Variants in COA1 observed in about 807,000 individuals in gnomAD.
The protein encoded by COA1 is cytochrome c oxidase assembly factor 1 homolog.
In COA1, 13 loss-of-function variants were observed where a neutral mutation model predicts 16.0. The ratio of observed to expected loss-of-function variants is 0.81; its 90% CI spans 0.53 to 1.29. The LOEUF (loss-of-function observed/expected upper bound fraction) is 1.29, where lower values mean the gene tolerates loss of function less well. Ranked by LOEUF, COA1 falls within the 50% of genes most tolerant of loss-of-function variation. The pLI is 0.00. For missense variants in COA1, 179 were observed against 177.0 expected (o/e 1.01, Z -0.06); for synonymous variants, 65 against 65.7 (o/e 0.99, Z 0.05).
intron 1 of COA1, among the ~76,000 whole-genome samples, chr7:43,704,484 C>A (rs182931170): frequency 3.0e-4 from 45 of 152,284 alleles, no homozygotes; most frequent in Non-Finnish European, 5.9e-5. Flanking sequence ...TTTACATAAT[C>A]CCATATTTTT....
At chr7:43,720,525 T>A (rs916939453) in intron 1 of COA1, among the ~76,000 whole-genome samples, 2 of 152,200 alleles carry the variant, frequency 1.3e-5, no homozygotes, top group African/African-American at 2.4e-5. Flanking sequence ...TTACATTTTT[T>A]AAAAATGGCT....
At chr7:43,722,137 C>T (rs984660375) in intron 1 of COA1, among the ~76,000 whole-genome samples, 2 of 148,626 alleles carry the variant, frequency 1.3e-5, no homozygotes, top group South Asian at 4.3e-4. Context: ...GTCACTCAGG[C>T]TGGAGTGCAG....
intron 1 of COA1, among the ~76,000 whole-genome samples, chr7:43,711,858 A>C (rs2095259328): frequency 6.6e-6 from 1 of 152,232 alleles, no homozygotes; most frequent in Admixed American, 6.5e-5. Context: ...TATGCAGTTC[A>C]CTGCTGACTG....
At chr7:43,666,805 A>C (rs1209230310) in intron 1 of COA1, among the ~76,000 whole-genome samples, 2 of 152,210 alleles carry the variant, frequency 1.3e-5, no homozygotes, top group Non-Finnish European at 2.9e-5. Context: ...CCAAGTATAT[A>C]ATTAAAACTG....
intron 1 of COA1, chr7:43,649,208 T>C (rs2090243342): frequency 6.6e-6 from 1 of 152,350 alleles, no homozygotes; most frequent in African/African-American, 2.4e-5. Flanking sequence ...GGAACTATTA[T>C]CATCACGCTC....
intron 1 of COA1, among the ~76,000 whole-genome samples, chr7:43,726,952 C>A (rs887972110): frequency 6.6e-6 from 1 of 152,164 alleles, no homozygotes; most frequent in Non-Finnish European, 1.5e-5. Flanking sequence ...CATTAGCCAT[C>A]AGGGAAATAC....
intron 1 of COA1, among the ~76,000 whole-genome samples, chr7:43,662,687 A>G (rs1255876163): frequency 6.6e-6 from 1 of 152,250 alleles, no homozygotes; most frequent in Non-Finnish European, 1.5e-5. Flanking sequence ...AAGATATGCC[A>G]TTTATGTTAA....
intron 6 of COA1, among the ~76,000 whole-genome samples, chr7:43,615,072 CA>C (rs1478462505): frequency 6.6e-6 from 1 of 152,150 alleles, no homozygotes; most frequent in Non-Finnish European, 1.5e-5. Flanking sequence ...CTCAAAAGGG[CA>C]AAACATTCAA....
intron 1 of COA1, among the ~76,000 whole-genome samples, chr7:43,703,606 T>C (rs967603318): frequency 6.6e-6 from 1 of 152,174 alleles, no homozygotes; most frequent in African/African-American, 2.4e-5. Flanking sequence ...TTTGTCCTTT[T>C]TTATTATTAT....
rs1426991831 is a variant in COA1 at position 43,640,864 on chromosome 7, T to C, written c.265-215A>G. Reference sequence around the variant, plus strand: ...GGCTGGTAAGGTCAATGGCAGTCTTTCCATTTGGCAAGGAGGACTCCTATG... The same window carrying C: ...GGCTGGTAAGGTCAATGGCAGTCTTCCCATTTGGCAAGGAGGACTCCTATG... On this transcript the variant is annotated intron_variant, in intron 4 of 5. Transcript: ENST00000223336. 14 of 483,422 alleles carry C rather than the reference T, an allele frequency of 2.9e-5. No homozygotes were observed. The East Asian group carries it at 3.5e-4, about 12-fold the overall frequency. 29.9% of individuals were successfully genotyped at this position (483,422 alleles called of 1,614,324 possible).
intron 1 of COA1, among the ~76,000 whole-genome samples, chr7:43,708,809 C>T (rs73110503): frequency 0.11 from 16,936 of 152,110 alleles, 1,067 homozygotes; most frequent in Admixed American, 0.19. Context: ...TTCCCATATC[C>T]TATACATAAT....
chr7:43,693,003 G>A (rs1243905761), intron 1 of COA1, among the ~76,000 whole-genome samples: 4 of 152,126 alleles, frequency 2.6e-5, no homozygotes, highest in Non-Finnish European at 4.4e-5. Flanking sequence ...GAGTCAGAAT[G>A]TCCAGGGGCT....
At chr7:43,652,532 C>T (rs2091013102) in intron 1 of COA1, among the ~76,000 whole-genome samples, 1 of 152,204 alleles carries the variant, frequency 6.6e-6, no homozygotes, top group African/African-American at 2.4e-5. Flanking sequence ...TTACATGCAT[C>T]TGTCTGACTC....
chr7:43,664,130 A>AGAGAGAGAGAGT (rs1307866265), intron 1 of COA1, among the ~76,000 whole-genome samples: 19 of 148,618 alleles, frequency 1.3e-4, no homozygotes, highest in African/African-American at 4.7e-4. Flanking sequence ...AGAGAGAGAG[A>AGAGAGAGAGAGT]GTCTTGCTAT....
chr7:43,691,421 A>AAAAGAAAGAAAGAAAGAAAGAAAG (rs375210311), intron 1 of COA1, among the ~76,000 whole-genome samples: 1 of 87,460 alleles, frequency 1.1e-5, no homozygotes, highest in Non-Finnish European at 2.2e-5. Context: ...GGAAGAAAGA[A>AAAAGAAAGAAAGAAAGAAAGAAAG]AAAGAAAGAA....
chr7:43,669,954 A>C (rs1244682085), intron 1 of COA1, among the ~76,000 whole-genome samples: 2 of 152,120 alleles, frequency 1.3e-5, no homozygotes, highest in Non-Finnish European at 1.5e-5. Flanking sequence ...AGGAAAGGAA[A>C]GCGGGGCCCT....
At chr7:43,674,133 T>C (rs1183814624) in intron 1 of COA1, among the ~76,000 whole-genome samples, 1 of 152,200 alleles carries the variant, frequency 6.6e-6, no homozygotes, top group African/African-American at 2.4e-5. Flanking sequence ...CCTGCACATG[T>C]ACCCCTCAAC....
intron 1 of COA1, among the ~76,000 whole-genome samples, chr7:43,695,574 G>C (rs1297775884): frequency 6.6e-6 from 1 of 151,990 alleles, no homozygotes; most frequent in African/African-American, 2.4e-5. Flanking sequence ...GCCTGTCACT[G>C]AGCAGTCCTC....
chr7:43,714,584 G>A (rs1367542780), intron 1 of COA1, among the ~76,000 whole-genome samples: 1 of 149,890 alleles, frequency 6.7e-6, no homozygotes, highest in African/African-American at 2.5e-5. Flanking sequence ...AGCTGAGATA[G>A]TGCCATTGCA....
Sources: gnomAD v4.1 joint callset for allele counts (sites outside exome capture counted in the v4.1 genomes callset) on GRCh38, gnomAD v4.1.1 for gene constraint, MANE v1.5 for transcripts, NCBI Gene and HGNC (gene_info 2026-07-23, HGNC 2026-07-21) for gene names.